Variants in SMAD2 observed in about 807,000 individuals in gnomAD.
SMAD2 encodes the protein MAD homolog 2.
Under a neutral mutation model 64.4 loss-of-function variants are expected in SMAD2, and 8 were observed. The ratio of observed to expected loss-of-function variants is 0.12; its 90% confidence interval spans 0.07 to 0.22. SMAD2 has a LOEUF of 0.22. Among genes scored for constraint, SMAD2 ranks in the 10% least tolerant of loss-of-function variants. The pLI is 1.00. For missense variants in SMAD2, 289 were observed against 561.2 expected, an observed-to-expected ratio of 0.51 and a Z score of 4.90; for synonymous variants, 203 against 195.8, an observed-to-expected ratio of 1.04 and a Z score of -0.31.
chr18:47,898,350 T>C (rs554173560), intron 1 of SMAD2, among the ~76,000 whole-genome samples: 143 of 152,278 alleles, frequency 9.4e-4, no homozygotes, highest in Non-Finnish European at 1.6e-3. Flanking sequence ...GATATACCAA[T>C]ATGCAGAAAA....
rs1036880252 is a variant in SMAD2, at chr18:47,835,576, G to A, written c.*6251C>T. On this transcript the variant is annotated 3_prime_UTR_variant, in exon 11 of 11. Coordinates refer to ENST00000262160, the MANE Select transcript of SMAD2 (RefSeq NM_005901.6). ...AAAATTTCTATTGCTACAGACAAATGCTAAAAACCAGCTTTATAATAACAG... is the reference window on the plus strand; with the variant it reads ...AAAATTTCTATTGCTACAGACAAATACTAAAAACCAGCTTTATAATAACAG... 5.2e-5 allele frequency: 10 copies of A among 193,484 alleles called. No homozygotes were observed. The highest frequency in any genetic ancestry group is 1.1e-4 in the Non-Finnish European group (10 of 92,730). 12.0% of individuals were successfully genotyped at this position (193,484 alleles called of 1,614,324 possible).
chr18:47,882,285 C>G (rs2032653192), intron 2 of SMAD2: 1 of 152,024 alleles, frequency 6.6e-6, no homozygotes, highest in South Asian at 2.1e-4. Flanking sequence ...AGCCTTGAAC[C>G]CCTGGGCTCG....
In SMAD2 at chr18:47,930,594, A is replaced by G. The variant is rs1279797486; in HGVS notation, c.-287T>C. 1.4e-5 allele frequency: 2 copies of G among 140,016 alleles called. No homozygotes were observed. The highest frequency in any genetic ancestry group is 2.3e-4 in the South Asian group (1 of 4,326). The allele number at this position is 140,016 out of a possible 1,614,324, so 8.7% of individuals were successfully genotyped here. ...GGAAGAGAGGGGAGGGGAGGGGAGGAGAGGGAAGGGGAGGGGAGGGAGCCT... is the reference window on the plus strand; with the variant it reads ...GGAAGAGAGGGGAGGGGAGGGGAGGGGAGGGAAGGGGAGGGGAGGGAGCCT... On this transcript the variant is annotated 5_prime_UTR_variant, in exon 1 of 11. Transcript: ENST00000262160.
intron 1 of SMAD2, among the ~76,000 whole-genome samples, chr18:47,911,296 A>G (rs965405946): frequency 6.6e-6 from 1 of 151,852 alleles, no homozygotes; most frequent in African/African-American, 2.4e-5. Flanking sequence ...GGTTGCAGTG[A>G]GCCAAAACCA....
In SMAD2 at chr18:47,832,627, AT is replaced by A. The variant is rs1250112583; in HGVS notation, c.*9199del. On this transcript the variant is annotated 3_prime_UTR_variant, in exon 11 of 11. Coordinates refer to ENST00000262160, the MANE Select transcript of SMAD2 (RefSeq NM_005901.6). ...AGTGTGGCTGACCTAAATATTTCTC[AT>A]TTTTAAAATTATTCATACTGATTAT... 6 of 152,126 alleles carry A rather than the reference AT, an allele frequency of 3.9e-5. No individual in the cohort carries two copies. The highest frequency in any genetic ancestry group is 1.4e-4 in the African/African-American group (6 of 41,418). 9.4% of individuals were successfully genotyped at this position (152,126 alleles called of 1,614,324 possible). A position where few individuals can be genotyped will look rare whatever the true frequency, so the allele number is the denominator to read the frequency against.
intron 10 of SMAD2, among the ~76,000 whole-genome samples, chr18:47,843,455 G>A (rs541823805): frequency 1.3e-5 from 2 of 152,104 alleles, no homozygotes; most frequent in East Asian, 3.9e-4. Context: ...GTTTAAGAAG[G>A]CTGCCACTCG....
intron 10 of SMAD2, chr18:47,845,119 G>A (rs1411427383): frequency 2.9e-5 from 18 of 623,542 alleles, no homozygotes; most frequent in South Asian, 5.8e-5. Context: ...TCTGAATTAC[G>A]TTAAAATGCA....
chr18:47,897,478 T>C (rs1568095544), intron 1 of SMAD2, among the ~76,000 whole-genome samples: 1 of 152,188 alleles, frequency 6.6e-6, no homozygotes, highest in Non-Finnish European at 1.5e-5. Flanking sequence ...TACCTTGTCT[T>C]TTCTCTTCCA....
intron 2 of SMAD2, among the ~76,000 whole-genome samples, chr18:47,882,041 C>CGTTTTTTTTTTTTTTTTTTT (rs2032624892): frequency 5.1e-5 from 2 of 38,850 alleles, no homozygotes; most frequent in East Asian, 1.7e-3. Context: ...CCACGCTTGG[C>CGTTTTTTTTTTTTTTTTTTT]TTTTTTTTTT....
Position 47,851,296 on chromosome 18 carries a change from A to T in SMAD2, c.762T>A (p.Leu254=), listed in dbSNP as rs1266073929. Residue 254 remains leucine (L), a synonymous_variant, in exon 7 of 11, where the codon CTT becomes CTA. Coordinates refer to ENST00000262160, the MANE Select transcript of SMAD2 (RefSeq NM_005901.6). ...GSPAELSPTT[L]SPVNHSLDLQ... ...TACCCAAGCTATGATTAACAGGGGA[A>T]AGAGTAGTAGGAGATAGTTCTGCTG... 6.2e-7 allele frequency: 1 copy of T among 1,610,094 alleles called. No individual in the cohort carries two copies. Among genetic ancestry groups the T allele is most frequent in the Non-Finnish European group, 8.5e-7 (1 of 1,176,754 alleles).
chr18:47,898,099 G>A (rs1181853174), intron 1 of SMAD2, among the ~76,000 whole-genome samples: 1 of 152,172 alleles, frequency 6.6e-6, no homozygotes, highest in Non-Finnish European at 1.5e-5. Flanking sequence ...AGAGGAGGAA[G>A]TACAAGTTAA....
At chr18:47,910,590 T>C (rs1360962567) in intron 1 of SMAD2, among the ~76,000 whole-genome samples, 1 of 152,218 alleles carries the variant, frequency 6.6e-6, no homozygotes, top group African/African-American at 2.4e-5. Context: ...ACTCCCAGTC[T>C]GCCTCTTCTA....
chr18:47,816,157 G>A lies in SMAD2; in HGVS notation c.*25670C>T, dbSNP rs1912358732. 6.6e-6 allele frequency: 1 copy of A among 152,160 alleles called. No individual in the cohort carries two copies. Among genetic ancestry groups the A allele is most frequent in the South Asian group, 2.1e-4 (1 of 4,836 alleles). The allele number at this position is 152,160 out of a possible 1,614,324, so 9.4% of individuals were successfully genotyped here. The stretch of plus-strand genomic sequence containing the variant: ...AATGTTAGCTCCCATGCCACATTTA[G>A]TCAAGACAACAATAACAAAAGGCTT... On this transcript the variant is annotated 3_prime_UTR_variant, in exon 11 of 11. Coordinates refer to ENST00000262160, the MANE Select transcript of SMAD2 (RefSeq NM_005901.6).
chr18:47,898,321 G>A (rs1212897840), intron 1 of SMAD2, among the ~76,000 whole-genome samples: 1 of 152,126 alleles, frequency 6.6e-6, no homozygotes, highest in Admixed American at 6.5e-5. Flanking sequence ...AAAAATCTAG[G>A]ATATTAATAT....
rs2144393065 is a variant in SMAD2 at position 47,873,004 on chromosome 18, G to A, written c.237-2440C>T. ...AGCCTCCTGAGTAGCTGGGACTATA[G>A]GCGTGTGTCACCACGATTGGCTAAT... On this transcript the variant is annotated intron_variant, in intron 2 of 10. Coordinates refer to ENST00000262160, the MANE Select transcript of SMAD2 (RefSeq NM_005901.6). 1.3e-5 allele frequency among the ~76,000 whole-genome samples: 2 copies of A among 150,986 alleles called. 1 individual carries two copies. Among genetic ancestry groups the A allele is most frequent in the Middle Eastern group, 6.8e-3 (2 of 294 alleles).
At chr18:47,868,509 G>C (rs778981089) in intron 4 of SMAD2, 52 bp from the exon 5 acceptor site, 241 of 1,526,870 alleles carry the variant, frequency 1.6e-4, no homozygotes, top group Non-Finnish European at 2.1e-4. Flanking sequence ...AGGGGAGTGG[G>C]GGAACCTTTT....
chr18:47,905,460 A>C (rs1222028910), intron 1 of SMAD2, among the ~76,000 whole-genome samples: 1 of 150,336 alleles, frequency 6.7e-6, no homozygotes, highest in Non-Finnish European at 1.5e-5. Context: ...TATGGAAACA[A>C]AAAAAAAAAC....
intron 3 of SMAD2, 38 bp from the exon 4 acceptor site, chr18:47,869,474 TAAAAA>T (rs34501809): frequency 5.3e-5 from 56 of 1,066,590 alleles, no homozygotes; most frequent in Non-Finnish European, 6.6e-5. Flanking sequence ...GAGGGAACTT[TAAAAA>T]AAAAAAAAAA....
chr18:47,831,018 G>C lies in SMAD2; in HGVS notation c.*10809C>G, dbSNP rs1353824584. On this transcript the variant is annotated 3_prime_UTR_variant, in exon 11 of 11. Transcript: ENST00000262160. ...CTTCCTCATCCTCATTCCACAGGTAGCCCGTTCTTGGCTGGGTTATGGCTT... is the reference window on the plus strand; with the variant it reads ...CTTCCTCATCCTCATTCCACAGGTACCCCGTTCTTGGCTGGGTTATGGCTT... 1 of 152,334 alleles carries C rather than the reference G, an allele frequency of 6.6e-6. No homozygotes were observed. The highest frequency in any genetic ancestry group is 1.5e-5 in the Non-Finnish European group (1 of 68,148). 9.4% of individuals were successfully genotyped at this position (152,334 alleles called of 1,614,324 possible).
Sources: gnomAD v4.1 joint callset for allele counts (sites outside exome capture counted in the v4.1 genomes callset) on GRCh38, gnomAD v4.1.1 for gene constraint, MANE v1.5 for transcripts, NCBI Gene and HGNC (gene_info 2026-07-23, HGNC 2026-07-21) for gene names.